Variants in SLC31A1 observed in about 807,000 individuals in gnomAD.
SLC31A1 encodes the protein solute carrier family 31 member 1, also known as high affinity copper uptake protein 1.
A neutral mutation model predicts 17.2 loss-of-function variants in SLC31A1; 5 were observed. The observed-to-expected ratio is 0.29, with a 90% CI of 0.15 to 0.61. SLC31A1 has a LOEUF of 0.61. Among genes scored for constraint, SLC31A1 ranks in the 20% least tolerant of loss-of-function variants. SLC31A1 has a pLI of 0.86. For missense variants in SLC31A1, 161 were observed against 241.4 expected (o/e 0.67, Z 2.21); for synonymous variants, 76 against 78.8 (o/e 0.96, Z 0.19).
intron 1 of SLC31A1, among the ~76,000 whole-genome samples, chr9:113,243,626 AG>A (rs2119000447): frequency 6.6e-6 from 1 of 152,160 alleles, no homozygotes; most frequent in Admixed American, 6.5e-5. Context: ...TGCCCAGGCT[AG>A]ATTCAAACTC....
Position 113,258,160 on chromosome 9 carries a change from A to G in SLC31A1, c.203-534A>G, listed in dbSNP as rs528522614. Reference sequence around the variant, plus strand: ...TTTAACTTGCGCAAACTCAATAGTCAGTTGGACTGCCTTAGGTACCAGATG... The same window carrying G: ...TTTAACTTGCGCAAACTCAATAGTCGGTTGGACTGCCTTAGGTACCAGATG... On this transcript the variant is annotated intron_variant, in intron 3 of 4. Coordinates refer to ENST00000374212, the MANE Select transcript of SLC31A1 (RefSeq NM_001859.4). This position sits in a 1 kb window ranked among gnomAD's most constrained non-coding sequence, Gnocchi z 4.8. 6.6e-6 allele frequency among the ~76,000 whole-genome samples: 1 copy of G among 152,314 alleles called. No individual in the cohort carries two copies. The highest frequency in any genetic ancestry group is 1.9e-4 in the East Asian group (1 of 5,182).
rs1188685470 is a variant in SLC31A1 at position 113,258,953 on chromosome 9, T to C, written c.371+91T>C. The C allele has an allele frequency of 7.4e-7, 1 of 1,353,296 alleles. No individual in the cohort carries two copies. The highest frequency in any genetic ancestry group is 1.4e-5 in the African/African-American group (1 of 69,828). 83.8% of individuals were successfully genotyped at this position (1,353,296 alleles called of 1,614,324 possible). The stretch of plus-strand genomic sequence containing the variant: ...TGTGTGATCAGCAGCAGCCCTCTTC[T>C]TGAGTTAGGAGTTCTGTATGACCTT... On this transcript the variant is annotated intron_variant, in intron 4 of 4. Coordinates refer to ENST00000374212, the MANE Select transcript of SLC31A1 (RefSeq NM_001859.4). The surrounding 1 kb of genome is among the most constrained non-coding windows in gnomAD (Gnocchi z 4.8).
At chr9:113,243,087 T>G (rs1831538595) in intron 1 of SLC31A1, among the ~76,000 whole-genome samples, 1 of 151,926 alleles carries the variant, frequency 6.6e-6, no homozygotes, top group African/African-American at 2.4e-5. Context: ...TTTTTTTTTT[T>G]GTTTAAGTTT....
rs1831816704 is a variant in SLC31A1 at position 113,263,491 on chromosome 9, T to A, written c.*3018T>A. ...CTTTTCTTCCTTCCCCATTCACATC[T>A]ATTAGAAGACTGCATCACCATTTCT... On this transcript the variant is annotated 3_prime_UTR_variant, in exon 5 of 5. Coordinates refer to ENST00000374212, the MANE Select transcript of SLC31A1 (RefSeq NM_001859.4). 1 of 152,674 alleles carries A rather than the reference T, an allele frequency of 6.5e-6. No homozygotes were observed. Among genetic ancestry groups the A allele is most frequent in the Non-Finnish European group, 1.5e-5 (1 of 68,050 alleles). The allele number at this position is 152,674 out of a possible 1,614,324, so 9.5% of individuals were successfully genotyped here.
At chr9:113,253,159 G>C (rs1831679294) in intron 1 of SLC31A1, among the ~76,000 whole-genome samples, 1 of 152,030 alleles carries the variant, frequency 6.6e-6, no homozygotes, top group South Asian at 2.1e-4. Context: ...TTTCACCCAT[G>C]TTAGCCAGGA....
chr9:113,231,268 G>A (rs1409862303), intron 1 of SLC31A1, among the ~76,000 whole-genome samples: 4 of 152,052 alleles, frequency 2.6e-5, no homozygotes, highest in Admixed American at 6.6e-5. Context: ...TTTGTGTTGC[G>A]CTTAAAAATT....
At chr9:113,253,469 ACT>A (rs1476523291) in intron 1 of SLC31A1, among the ~76,000 whole-genome samples, 1 of 151,104 alleles carries the variant, frequency 6.6e-6, no homozygotes, top group African/African-American at 2.4e-5. Context: ...GTAGACAAAG[ACT>A]CTGTTTTATA....
intron 1 of SLC31A1, among the ~76,000 whole-genome samples, chr9:113,242,591 G>A (rs1003046294): frequency 6.6e-6 from 1 of 152,066 alleles, no homozygotes; most frequent in Non-Finnish European, 1.5e-5. Flanking sequence ...TTTTTGTAGA[G>A]ATGGGGTCTC....
intron 1 of SLC31A1, among the ~76,000 whole-genome samples, chr9:113,237,280 G>C (rs535962495): frequency 1.3e-5 from 2 of 152,168 alleles, no homozygotes; most frequent in Admixed American, 6.5e-5. Context: ...TGCTCTGGAG[G>C]GGGGTAACGA....
chr9:113,250,101 AT>A, intron 1 of SLC31A1, among the ~76,000 whole-genome samples: 1 of 149,042 alleles, frequency 6.7e-6, no homozygotes, highest in South Asian at 2.2e-4. Context: ...TAGTTCAACC[AT>A]TGTGGAAGTC....
At chr9:113,249,738 C>G (rs1429172388) in intron 1 of SLC31A1, among the ~76,000 whole-genome samples, 1 of 151,920 alleles carries the variant, frequency 6.6e-6, no homozygotes, top group Non-Finnish European at 1.5e-5. Flanking sequence ...TAGATTTTAT[C>G]ATAGATTAAA....
chr9:113,222,850 A>G (rs988145774), intron 1 of SLC31A1, among the ~76,000 whole-genome samples: 2 of 152,180 alleles, frequency 1.3e-5, no homozygotes, highest in Non-Finnish European at 2.9e-5. Context: ...TGGATTAAGT[A>G]CCATGGCACT....
chr9:113,253,628 C>T (rs575092277), intron 1 of SLC31A1, among the ~76,000 whole-genome samples: 86 of 146,586 alleles, frequency 5.9e-4, no homozygotes, highest in Non-Finnish European at 1.1e-3. Flanking sequence ...GATCTCTGCT[C>T]ACCACAACCT....
intron 1 of SLC31A1, among the ~76,000 whole-genome samples, chr9:113,240,694 A>T (rs1169412867): frequency 6.6e-6 from 1 of 152,170 alleles, no homozygotes; most frequent in Non-Finnish European, 1.5e-5. Flanking sequence ...GAGGGGAAAA[A>T]ATAAAAGGAA....
intron 4 of SLC31A1, among the ~76,000 whole-genome samples, chr9:113,259,575 TTTTC>T (rs1197696199): frequency 2.8e-5 from 4 of 143,766 alleles, no homozygotes; most frequent in African/African-American, 7.8e-5. Context: ...TTTTTTCTTT[TTTTC>T]TTTCTTTTTT....
chr9:113,238,400 G>A (rs1039621714), intron 1 of SLC31A1, among the ~76,000 whole-genome samples: 2 of 152,258 alleles, frequency 1.3e-5, no homozygotes, highest in East Asian at 3.9e-4. Flanking sequence ...TGATAGAGTC[G>A]GAACCAGAAT....
chr9:113,239,333 G>T (rs1190271673), intron 1 of SLC31A1, among the ~76,000 whole-genome samples: 1 of 152,148 alleles, frequency 6.6e-6, no homozygotes, highest in Non-Finnish European at 1.5e-5. Flanking sequence ...GTCTTAAGTT[G>T]TGCCCCTCAA....
rs761584718 is a variant in SLC31A1, at chr9:113,260,327, G to C, written c.427G>C (p.Val143Leu). 1.2e-6 allele frequency: 2 copies of C among 1,614,138 alleles called. No individual in the cohort carries two copies. The change falls in exon 5 of 5, where the codon GTG (valine) becomes CTG (leucine). Residue 143 changes from valine (V) to leucine (L), a missense_variant. By Grantham distance (32) the Val-to-Leu change is conservative. Transcript: ENST00000374212. ...LLQTVLHIIQ[V>L]VISYFLMLIF... ...GCAAACAGTGCTGCACATCATCCAG[G>C]TGGTCATAAGCTACTTCCTCATGCT...
chr9:113,243,987 C>G (rs1401549892), intron 1 of SLC31A1, among the ~76,000 whole-genome samples: 1 of 151,884 alleles, frequency 6.6e-6, no homozygotes, highest in Non-Finnish European at 1.5e-5. Context: ...AACCTCGTCT[C>G]TACTAAAAAT....
Sources: gnomAD v4.1 joint callset for allele counts (sites outside exome capture counted in the v4.1 genomes callset) on GRCh38, gnomAD v4.1.1 for gene constraint, Gnocchi (gnomAD v3.1) non-coding constraint, MANE v1.5 for transcripts, NCBI Gene and HGNC (gene_info 2026-07-23, HGNC 2026-07-21) for gene names.